Variants in PRKG1 observed in about 807,000 individuals in gnomAD.
The protein encoded by PRKG1 is cGMP-dependent protein kinase 1.
In PRKG1, 35 loss-of-function variants were observed where a neutral mutation model predicts 88.1. The observed-to-expected ratio is 0.40, with a 90% CI of 0.30 to 0.53. The LOEUF is 0.53. Ranked by LOEUF, PRKG1 falls within the 20% of genes least tolerant of loss-of-function variation. The probability of loss-of-function intolerance (pLI) is 0.59; values close to 1 mark genes in which losing one functional copy is unlikely to be tolerated. For missense variants in PRKG1, 540 were observed against 839.8 expected (o/e 0.64, Z 4.41); for synonymous variants, 303 against 292.5 (o/e 1.04, Z -0.37).
chr10:51,305,987 A>G (rs1841026776), intron 2 of PRKG1, among the ~76,000 whole-genome samples: 1 of 152,210 alleles, frequency 6.6e-6, no homozygotes, highest in Non-Finnish European at 1.5e-5. Context: ...GAGTAGATGC[A>G]ATAGACACTA....
intron 4 of PRKG1, among the ~76,000 whole-genome samples, chr10:51,847,576 A>G (rs553970373): frequency 1.2e-3 from 178 of 151,838 alleles, no homozygotes; most frequent in Non-Finnish European, 1.9e-3. Context: ...TAATTAATTA[A>G]TGATCTATTG....
At chr10:51,588,616 T>C in intron 3 of PRKG1, among the ~76,000 whole-genome samples, 1 of 152,170 alleles carries the variant, frequency 6.6e-6, no homozygotes, top group South Asian at 2.1e-4. Flanking sequence ...GATTTCTTCT[T>C]GGGAAAAAAC....
chr10:51,564,482 A>G (rs1837550753), intron 3 of PRKG1, among the ~76,000 whole-genome samples: 1 of 152,022 alleles, frequency 6.6e-6, no homozygotes, highest in Non-Finnish European at 1.5e-5. Context: ...AGCTTTGCAG[A>G]TATTGAAGAC....
intron 9 of PRKG1, among the ~76,000 whole-genome samples, chr10:52,217,352 CTA>C (rs76704412): frequency 2.0e-4 from 30 of 150,038 alleles, no homozygotes; most frequent in African/African-American, 7.1e-4. Context: ...ATCTATCTAT[CTA>C]TATATATATA....
intron 4 of PRKG1, among the ~76,000 whole-genome samples, chr10:51,859,748 C>T (rs1188908126): frequency 6.6e-6 from 1 of 152,186 alleles, no homozygotes; most frequent in Admixed American, 6.6e-5. Context: ...AAATCCCATA[C>T]TGCCCACCAT....
At chr10:51,216,107 C>A (rs1287217022) in intron 2 of PRKG1, among the ~76,000 whole-genome samples, 2 of 152,116 alleles carry the variant, frequency 1.3e-5, no homozygotes, top group African/African-American at 2.4e-5. Context: ...TGGTATAGGA[C>A]CTGGCCCACA....
intron 14 of PRKG1, among the ~76,000 whole-genome samples, chr10:52,286,223 G>A (rs1167840516): frequency 6.6e-6 from 1 of 152,078 alleles, no homozygotes; most frequent in East Asian, 1.9e-4. Context: ...AGTGAAGACA[G>A]TTAAAGTTCC....
rs543221325 is a variant in PRKG1 at position 51,426,818 on chromosome 10, T to C, written c.479-40905T>C. Reference sequence around the variant, plus strand: ...TTCTCATTCTGAGCACGTATAAAAATACAGGTGATTTGTGCAAGGTGGACT... The same window carrying C: ...TTCTCATTCTGAGCACGTATAAAAACACAGGTGATTTGTGCAAGGTGGACT... On this transcript the variant is annotated intron_variant, in intron 2 of 17. Coordinates refer to ENST00000373980, the MANE Select transcript of PRKG1 (RefSeq NM_006258.4). 2.0e-5 allele frequency among the ~76,000 whole-genome samples: 3 copies of C among 152,336 alleles called. No homozygotes were observed. In the East Asian group the frequency reaches 5.8e-4, roughly 29 times the overall value.
chr10:51,132,426 A>G (rs1845587749), intron 1 of PRKG1, among the ~76,000 whole-genome samples: 1 of 152,170 alleles, frequency 6.6e-6, no homozygotes, highest in African/African-American at 2.4e-5. Context: ...AGTAAAAGAC[A>G]CTGAAAAACT....
rs531874670 is a variant in PRKG1, at chr10:52,039,231, G to T, written c.763-15253G>T. 3.3e-5 allele frequency among the ~76,000 whole-genome samples: 5 copies of T among 152,246 alleles called. No individual in the cohort carries two copies. The East Asian group carries it at 9.7e-4, about 30-fold the overall frequency. ...AAGAGAGTCGGTGAAGGGAGATAGG[G>T]GTGGGGCCATTTTATAGGATCTGGG... On this transcript the variant is annotated intron_variant, in intron 5 of 17. Coordinates refer to ENST00000373980, the MANE Select transcript of PRKG1 (RefSeq NM_006258.4).
At chr10:51,629,570 T>C (rs1236404988) in intron 3 of PRKG1, among the ~76,000 whole-genome samples, 1 of 152,012 alleles carries the variant, frequency 6.6e-6, no homozygotes, top group Non-Finnish European at 1.5e-5. Context: ...ACATAAGATG[T>C]TGGAAATGGA....
At chr10:51,703,471 T>A (rs183959879) in intron 3 of PRKG1, among the ~76,000 whole-genome samples, 94 of 152,348 alleles carry the variant, frequency 6.2e-4, no homozygotes, top group African/African-American at 1.9e-3. Context: ...TAAACCTTGA[T>A]ATACCTTGTA....
At chr10:51,172,238 G>T (rs1362410183) in intron 2 of PRKG1, among the ~76,000 whole-genome samples, 1 of 151,902 alleles carries the variant, frequency 6.6e-6, no homozygotes, top group African/African-American at 2.4e-5. Flanking sequence ...CTCTATTTAA[G>T]CTGAATGCTG....
chr10:51,369,296 G>A (rs552729557), intron 2 of PRKG1, among the ~76,000 whole-genome samples: 55 of 152,154 alleles, frequency 3.6e-4, no homozygotes, highest in African/African-American at 1.3e-3. Flanking sequence ...CCAAGATCAA[G>A]GCATTGACAG....
chr10:51,136,658 A>G (rs953457527), intron 1 of PRKG1, among the ~76,000 whole-genome samples: 3 of 151,900 alleles, frequency 2.0e-5, no homozygotes, highest in African/African-American at 7.3e-5. Flanking sequence ...AAAAATAGCA[A>G]AATTATGTCA....
intron 14 of PRKG1, among the ~76,000 whole-genome samples, chr10:52,282,751 T>G (rs1589757524): frequency 1.3e-5 from 2 of 152,132 alleles, no homozygotes; most frequent in East Asian, 1.9e-4. Flanking sequence ...AATGTTATTA[T>G]CATCAACTCA....
In PRKG1 at chr10:51,165,380, A is replaced by C. The variant is rs576203082; in HGVS notation, c.478+12050A>C. Among the ~76,000 whole-genome samples the C allele has an allele frequency of 2.1e-4, 32 of 152,152 alleles. No individual in the cohort carries two copies. The South Asian group carries it at 5.6e-3, about 27-fold the overall frequency. On this transcript the variant is annotated intron_variant, in intron 2 of 17. Coordinates refer to ENST00000373980, the MANE Select transcript of PRKG1 (RefSeq NM_006258.4). ...TTTTGTCACCACCAGGCCTGCCCTA[A>C]AAGAGCTCCTGAAGGAAGCACTAAA...
At chr10:52,186,075 T>C (rs1839193953) in intron 9 of PRKG1, among the ~76,000 whole-genome samples, 1 of 152,216 alleles carries the variant, frequency 6.6e-6, no homozygotes, top group Admixed American at 6.5e-5. Context: ...ATTTTCTGTG[T>C]TAGGCCACTT....
intron 5 of PRKG1, among the ~76,000 whole-genome samples, chr10:52,026,232 T>A (rs1845333891): frequency 6.6e-6 from 1 of 152,200 alleles, no homozygotes; most frequent in South Asian, 2.1e-4. Flanking sequence ...TTAGGGATAA[T>A]GTTCTAAAAG....
Sources: gnomAD v4.1 joint callset for allele counts (sites outside exome capture counted in the v4.1 genomes callset) on GRCh38, gnomAD v4.1.1 for gene constraint, MANE v1.5 for transcripts, NCBI Gene and HGNC (gene_info 2026-07-23, HGNC 2026-07-21) for gene names.